The following ROBO1 variants were observed in gnomAD, a reference collection of about 807,000 sequenced individuals.
The protein encoded by ROBO1 is roundabout guidance receptor 1.
ROBO1 carries 149 observed loss-of-function variants against 195.9 expected under a neutral mutation model. The observed-to-expected ratio is 0.76, with a 90% CI of 0.67 to 0.87. The LOEUF is 0.87. Among genes scored for constraint, ROBO1 ranks in the 40% least tolerant of loss-of-function variants. ROBO1 has a pLI of 0.00. For missense variants in ROBO1, 1,933 were observed against 2,068.3 expected, an observed-to-expected ratio of 0.93 and a Z score of 1.27; for synonymous variants, 816 against 733.2, an observed-to-expected ratio of 1.11 and a Z score of -1.82.
chr3:78,757,100 C>T (rs1270373412), intron 4 of ROBO1, among the ~76,000 whole-genome samples: 1 of 152,120 alleles, frequency 6.6e-6, no homozygotes, highest in Non-Finnish European at 1.5e-5. Context: ...CAATGTTGGC[C>T]AGGCTGGTCT....
Position 79,384,941 on chromosome 3 carries a change from C to T in ROBO1, c.88+204883G>A, listed in dbSNP as rs542880131. Among the ~76,000 whole-genome samples the T allele has an allele frequency of 9.2e-5, 14 of 152,094 alleles. No individual in the cohort carries two copies. In the South Asian group the frequency reaches 1.9e-3, roughly 20 times the overall value. On this transcript the variant is annotated intron_variant, in intron 2 of 30. Transcript: ENST00000464233. ...ATGCATCTTCTCTTCTTTTCTTACACGGGAAGGATGACAGAAAAAACTGCT... is the reference window on the plus strand; with the variant it reads ...ATGCATCTTCTCTTCTTTTCTTACATGGGAAGGATGACAGAAAAAACTGCT...
chr3:79,474,635 T>G (rs1938454018), intron 2 of ROBO1, among the ~76,000 whole-genome samples: 1 of 152,130 alleles, frequency 6.6e-6, no homozygotes, highest in African/African-American at 2.4e-5. Context: ...TTTGTTTATT[T>G]GTTTTATGCA....
At chr3:79,745,060 G>A (rs747719391) in intron 1 of ROBO1, among the ~76,000 whole-genome samples, 5 of 151,952 alleles carry the variant, frequency 3.3e-5, no homozygotes, top group Admixed American at 6.6e-5. Flanking sequence ...AAGTGTTTTC[G>A]TGGTTTGTAA....
At chr3:79,329,058 T>G (rs891287463) in intron 2 of ROBO1, among the ~76,000 whole-genome samples, 3 of 152,216 alleles carry the variant, frequency 2.0e-5, no homozygotes, top group African/African-American at 7.2e-5. Flanking sequence ...TTTTACAGAT[T>G]TTGGAGGCAC....
rs544310889 is a variant in ROBO1, at chr3:79,514,032, G to A, written c.88+75792C>T. 5.9e-5 allele frequency among the ~76,000 whole-genome samples: 9 copies of A among 152,232 alleles called. 1 individual carries two copies. The South Asian group carries it at 8.3e-4, about 14-fold the overall frequency. ...TTGAAAACCTTTTGTTCTCTAGACC[G>A]TTAGTCACCACTTCTATGATCCCAA... is the stretch of plus-strand genomic sequence containing the variant. On this transcript the variant is annotated intron_variant, in intron 2 of 30. Coordinates refer to ENST00000464233, the MANE Select transcript of ROBO1 (RefSeq NM_002941.4).
intron 3 of ROBO1, among the ~76,000 whole-genome samples, chr3:79,003,453 A>T (rs2077551385): frequency 6.6e-6 from 1 of 152,162 alleles, no homozygotes; most frequent in Non-Finnish European, 1.5e-5. Flanking sequence ...TAATAATAGA[A>T]ACAATGCAAC....
chr3:79,710,725 CA>C (rs1702242506), intron 1 of ROBO1, among the ~76,000 whole-genome samples: 1 of 151,918 alleles, frequency 6.6e-6, no homozygotes, highest in Admixed American at 6.6e-5. Context: ...AGAATGAAAC[CA>C]AAAACTAGAT....
chr3:79,719,462 A>T (rs1702613180), intron 1 of ROBO1, among the ~76,000 whole-genome samples: 2 of 152,176 alleles, frequency 1.3e-5, no homozygotes, highest in Non-Finnish European at 2.9e-5. Flanking sequence ...ACCTTTCAGA[A>T]GGAAAACTTT....
intron 2 of ROBO1, among the ~76,000 whole-genome samples, chr3:79,456,600 T>C (rs540129471): frequency 1.1e-4 from 17 of 152,252 alleles, no homozygotes; most frequent in African/African-American, 4.1e-4. Context: ...AAAAATACAG[T>C]AAGAACCAAC....
At chr3:78,672,028 C>G (rs1015999891) in intron 10 of ROBO1, among the ~76,000 whole-genome samples, 1 of 152,210 alleles carries the variant, frequency 6.6e-6, no homozygotes, top group African/African-American at 2.4e-5. Context: ...GCTCTAGCAT[C>G]TGCCATATGT....
At chr3:78,956,742 A>G (rs1344170801) in intron 3 of ROBO1, among the ~76,000 whole-genome samples, 1 of 152,198 alleles carries the variant, frequency 6.6e-6, no homozygotes, top group Non-Finnish European at 1.5e-5. Flanking sequence ...AATTCTGCTT[A>G]TGGGAAGCAG....
chr3:79,461,806 G>A (rs1320232308), intron 2 of ROBO1, among the ~76,000 whole-genome samples: 3 of 152,066 alleles, frequency 2.0e-5, no homozygotes, highest in Admixed American at 1.3e-4. Context: ...TTGACATAAT[G>A]TTTGAAAATG....
At chr3:79,525,386 G>A (rs531540167) in intron 2 of ROBO1, among the ~76,000 whole-genome samples, 1 of 149,306 alleles carries the variant, frequency 6.7e-6, no homozygotes, top group Non-Finnish European at 1.5e-5. Flanking sequence ...AAAATATTAT[G>A]AGAAATAATA....
At chr3:79,751,971 A>G (rs964958340) in intron 1 of ROBO1, among the ~76,000 whole-genome samples, 1 of 152,180 alleles carries the variant, frequency 6.6e-6, no homozygotes, top group African/African-American at 2.4e-5. Flanking sequence ...GAATGTAATT[A>G]TCACCTGTAG....
intron 22 of ROBO1, among the ~76,000 whole-genome samples, chr3:78,638,205 G>GTA (rs976811505): frequency 2.0e-5 from 3 of 150,366 alleles, no homozygotes; most frequent in South Asian, 2.1e-4. Flanking sequence ...GTGTATGTGT[G>GTA]TATATATATA....
At chr3:79,611,743 G>A (rs533662446) in intron 1 of ROBO1, among the ~76,000 whole-genome samples, 1 of 152,036 alleles carries the variant, frequency 6.6e-6, no homozygotes, top group East Asian at 1.9e-4. Flanking sequence ...GTCAGGGAGT[G>A]GGGGGACTAA....
chr3:78,661,823 T>C (rs560938367), intron 15 of ROBO1, among the ~76,000 whole-genome samples, 170 bp downstream of exon 15: 1 of 152,326 alleles, frequency 6.6e-6, no homozygotes, highest in South Asian at 2.1e-4. Flanking sequence ...AGGCTCAAGA[T>C]GCAATGTTTT....
chr3:79,550,822 C>T (rs957808646), intron 2 of ROBO1, among the ~76,000 whole-genome samples: 18 of 152,130 alleles, frequency 1.2e-4, no homozygotes, highest in Admixed American at 5.9e-4. Context: ...TGTGACAAAA[C>T]GGGATTAACT....
chr3:79,214,827 T>TA (rs3057982), intron 2 of ROBO1, among the ~76,000 whole-genome samples: 6,626 of 115,754 alleles, frequency 0.057, 236 homozygotes, highest in African/African-American at 0.17. Flanking sequence ...TATATATATA[T>TA]TTTTTTTTTT....
Sources: allele counts gnomAD v4.1 joint callset (sites outside exome capture counted in the v4.1 genomes callset), GRCh38; gene constraint gnomAD v4.1.1; transcripts MANE v1.5; gene names NCBI Gene and HGNC (gene_info 2026-07-23, HGNC 2026-07-21).